The following CHST9 variants were observed in gnomAD, a reference collection of about 807,000 sequenced individuals.
CHST9 encodes GalNAc-4-sulfotransferase 2.
CHST9 carries 41 observed loss-of-function variants against 44.4 expected under a neutral mutation model. That is an observed-to-expected ratio of 0.92 (90% CI 0.72 to 1.20). The LOEUF (loss-of-function observed/expected upper bound fraction) is 1.20. Among genes scored for constraint, CHST9 ranks in the 50% most tolerant of loss-of-function variants. The pLI, the probability that CHST9 is intolerant of heterozygous loss-of-function variation, is 0.00. For synonymous variants in CHST9, 171 were observed against 178.4 expected (o/e 0.96, Z 0.33); for missense variants, 504 against 516.5 (o/e 0.98, Z 0.23).
chr18:27,019,645 G>T (rs1165024380), intron 4 of CHST9, among the ~76,000 whole-genome samples: 1 of 137,430 alleles, frequency 7.3e-6, no homozygotes, highest in Non-Finnish European at 1.5e-5. Flanking sequence ...TGCCGTCAAG[G>T]ACGCACAGAA....
At chr18:27,045,060 AAC>A in intron 3 of CHST9, among the ~76,000 whole-genome samples, 1 of 151,918 alleles carries the variant, frequency 6.6e-6, no homozygotes, top group African/African-American at 2.4e-5. Context: ...AAAAAAAAAA[AAC>A]CATTGTTCCT....
intron 1 of CHST9, among the ~76,000 whole-genome samples, chr18:27,155,633 C>T (rs998124552): frequency 2.6e-5 from 4 of 152,108 alleles, no homozygotes; most frequent in African/African-American, 9.7e-5. Context: ...AACAATTATC[C>T]TGTCTACACT....
chr18:26,959,553 G>A (rs138263720), intron 4 of CHST9, among the ~76,000 whole-genome samples: 22 of 152,294 alleles, frequency 1.4e-4, no homozygotes, highest in Non-Finnish European at 2.4e-4. Context: ...AAGAGACAGC[G>A]TTTGATCTGG....
intron 2 of CHST9, among the ~76,000 whole-genome samples, chr18:27,068,600 A>G (rs2057806656): frequency 6.6e-6 from 1 of 152,208 alleles, no homozygotes; most frequent in African/African-American, 2.4e-5. Flanking sequence ...GTATTTCATC[A>G]ATTTTGGACC....
Position 27,142,670 on chromosome 18 carries a change from G to A in CHST9, c.121+19C>T. ...TATTATTGTTACAATTAAAATAGAA[G>A]AAAAAGCACATGTGTTACCTGTATG... On this transcript the variant is annotated intron_variant, in intron 2 of 5. Coordinates refer to ENST00000618847, the MANE Select transcript of CHST9 (RefSeq NM_031422.6). 1 of 1,538,854 alleles carries A rather than the reference G, an allele frequency of 6.5e-7. No homozygotes were observed. The highest frequency in any genetic ancestry group is 8.7e-7 in the Non-Finnish European group (1 of 1,145,646).
rs2057254014 is a variant in CHST9 at position 27,023,928 on chromosome 18, C to CT, written c.202+187dup. ...GAGGACAAGGATCGTGGTTTGCTTG[C>CT]TTTTTCTCCCCACCCTCCAAGACTT... On this transcript the variant is annotated intron_variant, in intron 4 of 5. Transcript: ENST00000618847. Among the ~76,000 whole-genome samples, 7 of 152,256 alleles carry CT rather than the reference C, an allele frequency of 4.6e-5. No individual in the cohort carries two copies. In the South Asian group the frequency reaches 1.5e-3, roughly 32 times the overall value.
chr18:27,062,642 G>A (rs1016862721), intron 2 of CHST9, among the ~76,000 whole-genome samples: 1 of 152,144 alleles, frequency 6.6e-6, no homozygotes, highest in South Asian at 2.1e-4. Flanking sequence ...TGTCTTTATA[G>A]CAGCATGATT....
At position 27,137,994 on chromosome 18, in the gene CHST9, GCT is replaced by G. The variant is rs368924038; in HGVS notation, c.121+4693_121+4694del. ...CTCTGGTCCTCTGGGTCCTCTGCACGCTTTCACCTGCCCAGCCTCCACTCCCC... is the reference window on the plus strand; with the variant it reads ...CTCTGGTCCTCTGGGTCCTCTGCACGTTCACCTGCCCAGCCTCCACTCCCC... On this transcript the variant is annotated intron_variant, in intron 2 of 5. Transcript: ENST00000618847. Among the ~76,000 whole-genome samples the G allele has an allele frequency of 6.5e-4, 99 of 152,204 alleles. 1 individual carries two copies. The highest frequency in any genetic ancestry group is 3.4e-3 in the Middle Eastern group (1 of 294).
intron 4 of CHST9, among the ~76,000 whole-genome samples, chr18:26,974,815 A>G (rs1190960753): frequency 6.6e-6 from 1 of 152,078 alleles, no homozygotes; most frequent in African/African-American, 2.4e-5. Context: ...CTGGGATTAC[A>G]GGCGTGTGCC....
At chr18:27,141,613 AAAAGT>A (rs1168569244) in intron 2 of CHST9, among the ~76,000 whole-genome samples, 4 of 151,054 alleles carry the variant, frequency 2.6e-5, no homozygotes, top group Admixed American at 6.6e-5. Flanking sequence ...AAAAAAAAAA[AAAAGT>A]AGGAGGATAA....
intron 2 of CHST9, among the ~76,000 whole-genome samples, chr18:27,102,053 C>T (rs1050056467): frequency 6.6e-6 from 1 of 152,178 alleles, no homozygotes; most frequent in African/African-American, 2.4e-5. Flanking sequence ...TTCCCACTAA[C>T]TGAAGAATTT....
rs2056341338 is a variant in CHST9 at position 26,957,522 on chromosome 18, T to C, written c.203-13156A>G. 2.0e-5 allele frequency among the ~76,000 whole-genome samples: 3 copies of C among 151,054 alleles called. No homozygotes were observed. The South Asian group carries it at 6.3e-4, about 32-fold the overall frequency. ...CTGTCATACTTAGCTACTACCTTGA[T>C]CCTTTGTTTTAAAACCCTGTATTCA... On this transcript the variant is annotated intron_variant, in intron 4 of 5. Transcript: ENST00000618847.
intron 2 of CHST9, among the ~76,000 whole-genome samples, chr18:27,090,914 G>A (rs1297826325): frequency 6.6e-6 from 1 of 152,180 alleles, no homozygotes; most frequent in Non-Finnish European, 1.5e-5. Flanking sequence ...GCTTAGGATT[G>A]TCTTGCAATG....
chr18:27,180,569 G>C (rs1313277400), intron 1 of CHST9, among the ~76,000 whole-genome samples: 1 of 152,024 alleles, frequency 6.6e-6, no homozygotes, highest in Non-Finnish European at 1.5e-5. Flanking sequence ...TTGATACCGT[G>C]ATGGCCAGAA....
At chr18:26,925,000 C>A (rs2055737483) in intron 5 of CHST9, among the ~76,000 whole-genome samples, 1 of 151,992 alleles carries the variant, frequency 6.6e-6, no homozygotes, top group Non-Finnish European at 1.5e-5. Context: ...GTATAGCTAG[C>A]AAGACAGACT....
At chr18:27,074,759 T>C (rs190283224) in intron 2 of CHST9, among the ~76,000 whole-genome samples, 30 of 150,280 alleles carry the variant, frequency 2.0e-4, no homozygotes, top group African/African-American at 6.1e-4. Flanking sequence ...TAGGAGAGTA[T>C]GTCAATATGT....
intron 4 of CHST9, among the ~76,000 whole-genome samples, chr18:26,991,161 T>C (rs1437297344): frequency 6.6e-6 from 1 of 152,158 alleles, no homozygotes; most frequent in African/African-American, 2.4e-5. Flanking sequence ...GGTCACTTCT[T>C]AAGAGGCTAT....
At chr18:27,070,771 G>A (rs8082849) in intron 2 of CHST9, among the ~76,000 whole-genome samples, 17,055 of 152,174 alleles carry the variant, frequency 0.11, 1,068 homozygotes, top group East Asian at 0.32. Flanking sequence ...AGTTATGCAG[G>A]TCTACTGCTG....
At chr18:26,945,984 G>C (rs73400784) in intron 4 of CHST9, among the ~76,000 whole-genome samples, 1,657 of 152,210 alleles carry the variant, frequency 0.011, 33 homozygotes, top group African/African-American at 0.038. Context: ...AGGCGTATAG[G>C]GGAAATTGAA....
Sources: allele counts gnomAD v4.1 joint callset (sites outside exome capture counted in the v4.1 genomes callset), GRCh38; gene constraint gnomAD v4.1.1; transcripts MANE v1.5; gene names NCBI Gene and HGNC (gene_info 2026-07-23, HGNC 2026-07-21).